The following AUTS2 variants were observed in gnomAD, a reference collection of about 807,000 sequenced individuals.
The protein encoded by AUTS2 is autism susceptibility gene 2 protein.
In AUTS2, 17 loss-of-function variants were observed where a neutral mutation model predicts 112.4. The ratio of observed to expected loss-of-function variants is 0.15; its 90% CI spans 0.10 to 0.23. The LOEUF (loss-of-function observed/expected upper bound fraction) is 0.23, where lower values mean the gene tolerates loss of function less well. AUTS2 is among the 10% of genes least tolerant of loss of function. AUTS2 has a pLI of 1.00. For synonymous variants in AUTS2, 751 were observed against 702.7 expected (o/e 1.07, Z -1.09); for missense variants, 1,510 against 1,701.6 (o/e 0.89, Z 1.98).
intron 5 of AUTS2, among the ~76,000 whole-genome samples, chr7:70,543,791 G>A (rs556953724): frequency 2.0e-5 from 3 of 152,330 alleles, no homozygotes; most frequent in African/African-American, 7.2e-5. Context: ...AAAGGCAGGA[G>A]TTTTCTAACA....
At chr7:69,786,424 C>T (rs1229926023) in intron 1 of AUTS2, among the ~76,000 whole-genome samples, 1 of 152,180 alleles carries the variant, frequency 6.6e-6, no homozygotes, top group East Asian at 1.9e-4. Context: ...ACCAATAGCA[C>T]TGTGTAAAAT....
chr7:70,488,036 G>A (rs533441434), intron 5 of AUTS2, among the ~76,000 whole-genome samples: 10 of 152,320 alleles, frequency 6.6e-5, no homozygotes, highest in South Asian at 4.1e-4. Context: ...GAACGGAGCC[G>A]AGTCCAGAAA....
intron 5 of AUTS2, among the ~76,000 whole-genome samples, chr7:70,444,297 G>A (rs1175346184): frequency 6.6e-6 from 1 of 151,370 alleles, no homozygotes; most frequent in Non-Finnish European, 1.5e-5. Context: ...TATTAGGGTT[G>A]CAGAGTGTTC....
chr7:70,136,645 C>T (rs1337426279), intron 4 of AUTS2, among the ~76,000 whole-genome samples: 1 of 152,154 alleles, frequency 6.6e-6, no homozygotes, highest in East Asian at 1.9e-4. Context: ...AAAGAAGGCT[C>T]AGCTTCAGGT....
intron 4 of AUTS2, among the ~76,000 whole-genome samples, chr7:70,310,610 C>CT (rs1384324389): frequency 7.6e-6 from 1 of 130,856 alleles, no homozygotes; most frequent in Non-Finnish European, 1.6e-5. Flanking sequence ...GAGACTCTGT[C>CT]TTAAAAAAAA....
At chr7:70,459,826 G>A (rs751014782) in intron 5 of AUTS2, among the ~76,000 whole-genome samples, 1 of 152,130 alleles carries the variant, frequency 6.6e-6, no homozygotes, top group Non-Finnish European at 1.5e-5. Flanking sequence ...ACTCCTTCCG[G>A]GATAAGCCAA....
chr7:70,560,629 G>A (rs1801449223), intron 5 of AUTS2, among the ~76,000 whole-genome samples: 1 of 152,218 alleles, frequency 6.6e-6, no homozygotes, highest in Non-Finnish European at 1.5e-5. Context: ...AGAGAAAGCA[G>A]AAGAATTCAT....
intron 2 of AUTS2, among the ~76,000 whole-genome samples, chr7:69,927,774 G>A (rs1323388655): frequency 6.6e-6 from 1 of 152,226 alleles, no homozygotes; most frequent in Non-Finnish European, 1.5e-5. Context: ...GTGAGGCTGT[G>A]GCTGGACCAG....
chr7:70,488,716 T>C (rs532016062), intron 5 of AUTS2, among the ~76,000 whole-genome samples: 1 of 152,190 alleles, frequency 6.6e-6, no homozygotes, highest in African/African-American at 2.4e-5. Flanking sequence ...AACATTCTCA[T>C]CTCTTTTCCT....
intron 1 of AUTS2, among the ~76,000 whole-genome samples, chr7:69,875,890 G>A (rs752131260): frequency 1.1e-3 from 161 of 152,004 alleles, no homozygotes; most frequent in Non-Finnish European, 1.8e-3. Flanking sequence ...GCGTCTAATA[G>A]TACATTAGTA....
intron 6 of AUTS2, among the ~76,000 whole-genome samples, chr7:70,710,942 A>G (rs1810013885): frequency 1.3e-5 from 2 of 152,268 alleles, no homozygotes; most frequent in South Asian, 4.1e-4. Flanking sequence ...CCAAGATGTT[A>G]GACATCAAAT....
rs1788111016 is a variant in AUTS2, at chr7:69,760,028, A to C, written c.310-139258A>C. ...GATAGTAAACTGAAAATGAAAAACC[A>C]TTTTTTTCCACGAACTTGCTAATTT... On this transcript the variant is annotated intron_variant, in intron 1 of 18. Transcript: ENST00000342771. Among the ~76,000 whole-genome samples the C allele has an allele frequency of 2.0e-5, 3 of 151,478 alleles. 1 individual carries two copies. In the South Asian group the frequency reaches 6.3e-4, roughly 32 times the overall value.
intron 1 of AUTS2, among the ~76,000 whole-genome samples, chr7:69,776,539 C>T (rs897674988): frequency 3.9e-5 from 6 of 152,072 alleles, no homozygotes; most frequent in African/African-American, 1.4e-4. Flanking sequence ...CCTCAGCTTC[C>T]CAAGTTAGTG....
At chr7:70,669,828 C>T (rs1220023655) in intron 5 of AUTS2, among the ~76,000 whole-genome samples, 1 of 152,128 alleles carries the variant, frequency 6.6e-6, no homozygotes, top group Non-Finnish European at 1.5e-5. Flanking sequence ...GGCAGAAAAA[C>T]GAACACAATT....
intron 4 of AUTS2, among the ~76,000 whole-genome samples, chr7:70,316,743 A>G (rs1039982148): frequency 6.6e-6 from 1 of 152,034 alleles, no homozygotes; most frequent in Non-Finnish European, 1.5e-5. Context: ...TAAGGAGACA[A>G]TCGTTGGTGA....
chr7:69,905,241 T>C (rs1049402459), intron 2 of AUTS2, among the ~76,000 whole-genome samples: 2 of 152,214 alleles, frequency 1.3e-5, no homozygotes, highest in Non-Finnish European at 2.9e-5. Flanking sequence ...TTATCCTAAA[T>C]GACATTTGTA....
chr7:70,391,553 C>T (rs554304188), intron 4 of AUTS2, among the ~76,000 whole-genome samples: 2 of 152,250 alleles, frequency 1.3e-5, no homozygotes, highest in South Asian at 2.1e-4. Context: ...ATCACAATCA[C>T]GGAGTATCTG....
At chr7:70,359,481 A>G (rs1009436984) in intron 4 of AUTS2, among the ~76,000 whole-genome samples, 9 of 152,192 alleles carry the variant, frequency 5.9e-5, no homozygotes, top group African/African-American at 2.2e-4. Flanking sequence ...TGGCACTGGC[A>G]TCTGCTTGGC....
intron 1 of AUTS2, among the ~76,000 whole-genome samples, chr7:69,612,039 A>T (rs980101754): frequency 6.6e-6 from 1 of 151,356 alleles, no homozygotes; most frequent in Non-Finnish European, 1.5e-5. Flanking sequence ...CCTTTTATCT[A>T]TATTTCAAAA....
Sources: gnomAD v4.1 joint callset for allele counts (sites outside exome capture counted in the v4.1 genomes callset) on GRCh38, gnomAD v4.1.1 for gene constraint, MANE v1.5 for transcripts, NCBI Gene and HGNC (gene_info 2026-07-23, HGNC 2026-07-21) for gene names.